SLX9: variants seen among roughly 807,000 people sequenced by gnomAD.
SLX9 encodes the protein ribosome biogenesis protein SLX9 homolog.
SLX9 carries 19 observed loss-of-function variants against 20.8 expected under a neutral mutation model. The observed-to-expected ratio is 0.91, with a 90% CI of 0.64 to 1.34. The LOEUF (loss-of-function observed/expected upper bound fraction) is 1.34, where lower values mean the gene tolerates loss of function less well. SLX9 is among the 40% of genes most tolerant of loss of function. The probability of loss-of-function intolerance (pLI) is 0.00; values close to 1 mark genes in which losing one functional copy is unlikely to be tolerated. For missense variants in SLX9, 299 were observed against 322.2 expected (o/e 0.93, Z 0.55); for synonymous variants, 113 against 137.1 (o/e 0.82, Z 1.23).
intron 1 of SLX9, among the ~76,000 whole-genome samples, chr21:44,941,793 C>G (rs1004731243): frequency 6.6e-6 from 1 of 152,204 alleles, no homozygotes. Context: ...TACTGTCTAC[C>G]CAGGAGCCTT....
chr21:44,955,884 C>T (rs1377992243), intron 2 of SLX9, among the ~76,000 whole-genome samples: 1 of 152,206 alleles, frequency 6.6e-6, no homozygotes, highest in Non-Finnish European at 1.5e-5. Flanking sequence ...GTCTGATGAA[C>T]GTCTGATACT....
At chr21:44,951,678 A>C (rs1000337633) in intron 2 of SLX9, among the ~76,000 whole-genome samples, 10 of 152,104 alleles carry the variant, frequency 6.6e-5, no homozygotes, top group African/African-American at 2.4e-4. Flanking sequence ...GAGCCGCCCG[A>C]GCGCGCTGTG....
chr21:44,951,673 G>A (rs1264335350), intron 2 of SLX9, among the ~76,000 whole-genome samples: 3 of 152,152 alleles, frequency 2.0e-5, no homozygotes, highest in Non-Finnish European at 2.9e-5. Context: ...CCCCGGAGCC[G>A]CCCGAGCGCG....
intron 2 of SLX9, among the ~76,000 whole-genome samples, chr21:44,954,221 T>C (rs575989339): frequency 1.3e-5 from 2 of 152,284 alleles, no homozygotes; most frequent in East Asian, 3.9e-4. Context: ...TTCTTGTTTG[T>C]ATCAGCTCCA....
rs1265723352 is a variant in SLX9 at position 44,940,111 on chromosome 21, G to A, written c.54G>A (p.Pro18=). ...RARVHQAAVR[P]KGEAAPGPAP... ...GAGTGCACCAGGCTGCCGTGAGGCC[G>A]AAAGGGGAGGCCGCCCCCGGCCCCG... is the stretch of plus-strand genomic sequence containing the variant. The change falls in exon 1 of 6, where the codon CCG becomes CCA. Residue 18 remains proline, a synonymous_variant. Transcript: ENST00000291634. The A allele has an allele frequency of 7.1e-7, 1 of 1,404,708 alleles. No homozygotes were observed. Among genetic ancestry groups the A allele is most frequent in the Non-Finnish European group, 9.3e-7 (1 of 1,072,404 alleles). 87.0% of individuals were successfully genotyped at this position (1,404,708 alleles called of 1,614,324 possible). A position where few individuals can be genotyped will look rare whatever the true frequency, so the allele number is the denominator to read the frequency against.
chr21:44,939,892 G>T (rs1198286782), upstream of SLX9: 7 of 652,252 alleles, frequency 1.1e-5, no homozygotes, highest in Middle Eastern at 4.4e-4. Flanking sequence ...AAGGCGGAGC[G>T]CCGCCACCCT....
chr21:44,962,187 TAA>T (rs1268828853), intron 3 of SLX9, among the ~76,000 whole-genome samples: 1 of 152,208 alleles, frequency 6.6e-6, no homozygotes, highest in Admixed American at 6.5e-5. Flanking sequence ...TGTATTTACA[TAA>T]AATGAAATGC....
chr21:44,949,116 C>T (rs1307377700), intron 2 of SLX9, among the ~76,000 whole-genome samples: 2 of 152,170 alleles, frequency 1.3e-5, no homozygotes, highest in Admixed American at 6.5e-5. Flanking sequence ...AGGGAGAGGC[C>T]AGGCAGCAGG....
chr21:44,975,965 G>A (rs1012318200), intron 5 of SLX9, among the ~76,000 whole-genome samples: 11 of 152,258 alleles, frequency 7.2e-5, no homozygotes, highest in African/African-American at 1.2e-4. Flanking sequence ...CCGTGCACAC[G>A]GGGCACACAG....
At chr21:44,965,441 A>G (rs1453393101) in intron 3 of SLX9, among the ~76,000 whole-genome samples, 1 of 152,148 alleles carries the variant, frequency 6.6e-6, no homozygotes, top group Non-Finnish European at 1.5e-5. Flanking sequence ...CGGATTTATC[A>G]TTGAGTGTCT....
intron 2 of SLX9, among the ~76,000 whole-genome samples, chr21:44,954,538 A>G (rs11911762): frequency 6.6e-6 from 1 of 152,068 alleles, no homozygotes; most frequent in African/African-American, 2.4e-5. Flanking sequence ...GGGAGAAGGG[A>G]GTCGAGGTGA....
At chr21:44,962,972 G>A (rs1163215367) in intron 3 of SLX9, among the ~76,000 whole-genome samples, 1 of 152,140 alleles carries the variant, frequency 6.6e-6, no homozygotes, top group African/African-American at 2.4e-5. Context: ...TTTTTCATGA[G>A]GCTTTTTGTC....
chr21:44,940,321 G>A, intron 1 of SLX9, 135 bp downstream of exon 1: 1 of 1,154,356 alleles, frequency 8.7e-7, no homozygotes, highest in Non-Finnish European at 1.1e-6. Context: ...CGCTACAGAC[G>A]CGACCTTCTT....
In SLX9 at chr21:44,953,453, G is replaced by A. The variant is rs113299491; in HGVS notation, c.284-6647G>A. On this transcript the variant is annotated intron_variant, in intron 2 of 5. Coordinates refer to ENST00000291634, the MANE Select transcript of SLX9 (RefSeq NM_058190.4). ...TCCCTCGGGCACCATCCCCGGCGGTGGGGCCCTGCGTCCGGGCCTCGGGAG... is the reference window on the plus strand; with the variant it reads ...TCCCTCGGGCACCATCCCCGGCGGTAGGGCCCTGCGTCCGGGCCTCGGGAG... Among the ~76,000 whole-genome samples the A allele has an allele frequency of 7.5e-3, 1,084 of 143,812 alleles. 9 individuals are homozygous for A. Among genetic ancestry groups the A allele is most frequent in the African/African-American group, 0.03 (1,018 of 33,574 alleles). 94.3% of individuals were successfully genotyped at this position (143,812 alleles called of 152,430 possible).
chr21:44,955,040 A>T (rs1489134794), intron 2 of SLX9, among the ~76,000 whole-genome samples: 3 of 151,588 alleles, frequency 2.0e-5, no homozygotes, highest in African/African-American at 7.3e-5. Context: ...ATCATGAAAG[A>T]CCCCGTCTCT....
At chr21:44,945,972 G>T (rs1336742574) in intron 2 of SLX9, among the ~76,000 whole-genome samples, 1 of 152,178 alleles carries the variant, frequency 6.6e-6, no homozygotes, top group African/African-American at 2.4e-5. Context: ...TGACCTCAGA[G>T]ATCTGCCTGT....
At chr21:44,959,827 G>C (rs1239029097) in intron 2 of SLX9, among the ~76,000 whole-genome samples, 1 of 152,254 alleles carries the variant, frequency 6.6e-6, no homozygotes, top group African/African-American at 2.4e-5. Flanking sequence ...AGGCCTCCTT[G>C]TTGGGACACC....
intron 5 of SLX9, among the ~76,000 whole-genome samples, chr21:44,975,372 G>A (rs1047891875): frequency 6.6e-6 from 1 of 152,230 alleles, no homozygotes; most frequent in East Asian, 1.9e-4. Flanking sequence ...CTCTGTTTAC[G>A]GTTGTCCAGG....
At chr21:44,950,236 C>CAA (rs573708011) in intron 2 of SLX9, among the ~76,000 whole-genome samples, 1 of 144,392 alleles carries the variant, frequency 6.9e-6, no homozygotes, top group Non-Finnish European at 1.5e-5. Context: ...TCCAGTATCT[C>CAA]AAAAAAAAAA....
Sources: gnomAD v4.1 joint callset for allele counts (sites outside exome capture counted in the v4.1 genomes callset) on GRCh38, gnomAD v4.1.1 for gene constraint, MANE v1.5 for transcripts, NCBI Gene and HGNC (gene_info 2026-07-23, HGNC 2026-07-21) for gene names.